Variants in SLC14A2 observed in about 807,000 individuals in gnomAD.
SLC14A2 encodes urea transporter 2.
SLC14A2 carries 91 observed loss-of-function variants against 104.6 expected under a neutral mutation model. The observed-to-expected ratio is 0.87, with a 90% CI of 0.73 to 1.04. SLC14A2 has a LOEUF of 1.04. Among genes scored for constraint, SLC14A2 ranks in the 50% least tolerant of loss-of-function variants. The pLI, the probability that SLC14A2 is intolerant of heterozygous loss-of-function variation, is 0.00. For missense variants in SLC14A2, 1,189 were observed against 1,156.0 expected, an observed-to-expected ratio of 1.03 and a Z score of -0.41; for synonymous variants, 476 against 466.4, an observed-to-expected ratio of 1.02 and a Z score of -0.27.
At chr18:45,564,048 A>G (rs1033270609) in intron 2 of SLC14A2, among the ~76,000 whole-genome samples, 4 of 152,240 alleles carry the variant, frequency 2.6e-5, no homozygotes, top group African/African-American at 9.6e-5. Flanking sequence ...GTTTTATGTT[A>G]TCTCCATCAA....
At chr18:45,384,405 G>C (rs1435695130) in intron 1 of SLC14A2, among the ~76,000 whole-genome samples, 3 of 152,138 alleles carry the variant, frequency 2.0e-5, no homozygotes, top group Non-Finnish European at 4.4e-5. Context: ...TCAGAACTTT[G>C]CTCCCTAAAG....
chr18:45,475,627 TATATATATATTTAGG>T lies in SLC14A2; in HGVS notation c.-124-7595_-124-7581del, dbSNP rs201310868. 1.0e-4 allele frequency among the ~76,000 whole-genome samples: 6 copies of T among 57,322 alleles called. No individual in the cohort carries two copies. In the South Asian group the frequency reaches 1.7e-3, roughly 16 times the overall value. The allele number at this position is 57,322 out of a possible 152,430, so 37.6% of individuals were successfully genotyped here. A position where few individuals can be genotyped will look rare whatever the true frequency, so the allele number is the denominator to read the frequency against. On this transcript the variant is annotated intron_variant, in intron 1 of 20. Transcript: ENST00000586448. ...GTTATATATATATTTAGGATATATA[TATATATATATTTAGG>T]ATATATATATATATATATATATATA...
intron 2 of SLC14A2, among the ~76,000 whole-genome samples, chr18:45,596,640 A>G (rs2044721770): frequency 6.6e-6 from 1 of 152,206 alleles, no homozygotes; most frequent in Admixed American, 6.5e-5. Flanking sequence ...AGCTGAAGCT[A>G]TTGTTCACAT....
At chr18:45,360,593 TTG>T (rs2085600780) in intron 1 of SLC14A2, among the ~76,000 whole-genome samples, 1 of 152,248 alleles carries the variant, frequency 6.6e-6, no homozygotes, top group Admixed American at 6.5e-5. Context: ...GGGACATGTC[TTG>T]TGTGTACTTC....
At chr18:45,353,427 A>T (rs1445678782) in intron 1 of SLC14A2, among the ~76,000 whole-genome samples, 2 of 152,218 alleles carry the variant, frequency 1.3e-5, no homozygotes, top group Non-Finnish European at 2.9e-5. Context: ...GATTTTGTAC[A>T]GTTCTTTGGG....
chr18:45,599,630 G>A (rs749618671), intron 2 of SLC14A2, among the ~76,000 whole-genome samples: 2 of 152,186 alleles, frequency 1.3e-5, no homozygotes, highest in Non-Finnish European at 2.9e-5. Flanking sequence ...CCTCCGGCAG[G>A]GACACGGGTA....
rs921907364 is a variant in SLC14A2 at position 45,344,776 on chromosome 18, C to A, written c.-125+131585C>A. Among the ~76,000 whole-genome samples, 9 of 152,200 alleles carry A rather than the reference C, an allele frequency of 5.9e-5. No homozygotes were observed. In the East Asian group the frequency reaches 1.7e-3, roughly 29 times the overall value. Reference sequence around the variant, plus strand: ...GTGTGCGTCAGTGGCATTACTGCATCCCAAGAAGCCACATCAATTAGGCAC... The same window carrying A: ...GTGTGCGTCAGTGGCATTACTGCATACCAAGAAGCCACATCAATTAGGCAC... On this transcript the variant is annotated intron_variant, in intron 1 of 20. Transcript: ENST00000586448.
intron 2 of SLC14A2, among the ~76,000 whole-genome samples, chr18:45,508,401 GAGATC>G (rs1385493691): frequency 2.0e-5 from 3 of 152,028 alleles, no homozygotes; most frequent in Non-Finnish European, 2.9e-5. Flanking sequence ...TAAGTCTCAT[GAGATC>G]TGATGATTTT....
At chr18:45,536,693 C>T (rs2043790448) in intron 2 of SLC14A2, among the ~76,000 whole-genome samples, 1 of 152,116 alleles carries the variant, frequency 6.6e-6, no homozygotes, top group South Asian at 2.1e-4. Flanking sequence ...TTAAACATAT[C>T]TTTTGGGGGG....
At chr18:45,523,443 C>A (rs1187586330) in intron 2 of SLC14A2, among the ~76,000 whole-genome samples, 1 of 151,832 alleles carries the variant, frequency 6.6e-6, no homozygotes, top group Non-Finnish European at 1.5e-5. Flanking sequence ...GATTCTCCTG[C>A]CTCAGCCTCC....
intron 1 of SLC14A2, among the ~76,000 whole-genome samples, chr18:45,616,332 T>G (rs2045071736): frequency 6.6e-6 from 1 of 152,234 alleles, no homozygotes; most frequent in Non-Finnish European, 1.5e-5. Flanking sequence ...GACTATTTTA[T>G]AAACCATGTT....
chr18:45,454,799 A>G (rs2086914945), intron 1 of SLC14A2, among the ~76,000 whole-genome samples: 1 of 152,180 alleles, frequency 6.6e-6, no homozygotes, highest in Non-Finnish European at 1.5e-5. Context: ...AGTTTGTCAA[A>G]GAGCAGGTGG....
chr18:45,628,812 T>G (rs1461993358), intron 4 of SLC14A2, among the ~76,000 whole-genome samples: 1 of 152,098 alleles, frequency 6.6e-6, no homozygotes, highest in Admixed American at 6.6e-5. Context: ...AGAAAGAAAG[T>G]GAAAGCTAAG....
At chr18:45,279,910 G>T (rs746551548) in intron 1 of SLC14A2, among the ~76,000 whole-genome samples, 5 of 152,138 alleles carry the variant, frequency 3.3e-5, no homozygotes, top group Non-Finnish European at 7.3e-5. Flanking sequence ...TGATGTGGTG[G>T]TTGGAGGGTG....
chr18:45,656,203 C>T (rs954449693), intron 10 of SLC14A2, among the ~76,000 whole-genome samples: 1 of 152,210 alleles, frequency 6.6e-6, no homozygotes, highest in African/African-American at 2.4e-5. Context: ...AATTCAAGGG[C>T]TGGAATCATC....
intron 2 of SLC14A2, among the ~76,000 whole-genome samples, chr18:45,585,503 T>C (rs2044553017): frequency 6.6e-6 from 1 of 152,202 alleles, no homozygotes; most frequent in South Asian, 2.1e-4. Context: ...GGCTCTCACA[T>C]TCCAAGATTA....
intron 1 of SLC14A2, among the ~76,000 whole-genome samples, chr18:45,369,229 A>T (rs1318036284): frequency 6.6e-6 from 1 of 152,228 alleles, no homozygotes; most frequent in East Asian, 1.9e-4. Context: ...AGGGCAGTTT[A>T]GTCTCCGATG....
chr18:45,218,291 G>C (rs1032442873), intron 1 of SLC14A2, among the ~76,000 whole-genome samples: 1 of 152,062 alleles, frequency 6.6e-6, no homozygotes, highest in Non-Finnish European at 1.5e-5. Flanking sequence ...AGCTTATTTG[G>C]CTTAGCAAAA....
chr18:45,392,221 C>G (rs192817630), intron 1 of SLC14A2, among the ~76,000 whole-genome samples: 7 of 152,192 alleles, frequency 4.6e-5, no homozygotes, highest in Non-Finnish European at 7.3e-5. Context: ...CCCAGAGAAC[C>G]TCAGGACAGC....
Sources: allele counts gnomAD v4.1 joint callset (sites outside exome capture counted in the v4.1 genomes callset), GRCh38; gene constraint gnomAD v4.1.1; transcripts MANE v1.5; gene names NCBI Gene and HGNC (gene_info 2026-07-23, HGNC 2026-07-21).